The following VPS53 variants were observed in gnomAD, a reference collection of about 807,000 sequenced individuals.
VPS53 encodes VPS53 subunit of GARP complex.
In VPS53, 70 loss-of-function variants were observed where a neutral mutation model predicts 107.0. That is an observed-to-expected ratio of 0.65 (90% CI 0.54 to 0.80). The LOEUF (loss-of-function observed/expected upper bound fraction) is 0.80, where lower values mean the gene tolerates loss of function less well. Among genes scored for constraint, VPS53 ranks in the 30% least tolerant of loss-of-function variants. The pLI, the probability that VPS53 is intolerant of heterozygous loss-of-function variation, is 0.00. For missense variants in VPS53, 917 were observed against 1,049.4 expected, an observed-to-expected ratio of 0.87 and a Z score of 1.74; for synonymous variants, 409 against 393.3, an observed-to-expected ratio of 1.04 and a Z score of -0.47.
chr17:611,485 G>A (rs1439962739), intron 11 of VPS53, among the ~76,000 whole-genome samples: 2 of 152,214 alleles, frequency 1.3e-5, no homozygotes, highest in Admixed American at 6.5e-5. Context: ...TACATTGTGG[G>A]TAGAAATGTA....
chr17:553,732 G>A (rs193035842), intron 15 of VPS53, among the ~76,000 whole-genome samples: 2 of 151,912 alleles, frequency 1.3e-5, no homozygotes, highest in Non-Finnish European at 2.9e-5. Flanking sequence ...TACCACACCC[G>A]GCTAATTTTA....
intron 4 of VPS53, 78 bp downstream of exon 4, chr17:697,340 G>T: frequency 2.5e-6 from 3 of 1,182,930 alleles, no homozygotes; most frequent in Non-Finnish European, 3.8e-6. Context: ...CTGCAAGAGG[G>T]CACATCGACG....
chr17:670,805 A>G (rs368722), intron 4 of VPS53, among the ~76,000 whole-genome samples: 137,740 of 152,264 alleles, frequency 0.9, 62,358 homozygotes, highest in Admixed American at 0.94. Context: ...GCTTTAGACT[A>G]TTCTGTGAAA....
chr17:631,538 G>T lies in VPS53; in HGVS notation c.687+12C>A, dbSNP rs772131273. 1 of 1,613,468 alleles carries T rather than the reference G, an allele frequency of 6.2e-7. No individual in the cohort carries two copies. Among genetic ancestry groups the T allele is most frequent in the Admixed American group, 1.7e-5 (1 of 60,000 alleles). On this transcript the variant is annotated intron_variant, in intron 8 of 21. Transcript: ENST00000437048. ...GATCATCTCTAAAGACTGGGGAAAC[G>T]CAAAGCAGTACCTTGGTGCCCTGGG...
At chr17:601,262 G>GA (rs1278426246) in intron 12 of VPS53, among the ~76,000 whole-genome samples, 1 of 152,150 alleles carries the variant, frequency 6.6e-6, no homozygotes, top group African/African-American at 2.4e-5. Context: ...GACTTGGACA[G>GA]AAAAATCCAA....
chr17:631,633 G>C lies in VPS53; in HGVS notation c.609-5C>G, dbSNP rs368182133. ...TCAGTCTGTGCAGCCTTCACTCTGT[G>C]AGGAAGAGAGAACATATCATCACCT... On this transcript the variant is annotated splice_region_variant and splice_polypyrimidine_tract_variant and intron_variant, in intron 7 of 21. Transcript: ENST00000437048. The C allele has an allele frequency of 1.2e-5, 19 of 1,613,482 alleles. No individual in the cohort carries two copies. In the African/African-American group the frequency reaches 2.5e-4, roughly 22 times the overall value.
At chr17:696,653 C>T (rs1426838466) in intron 4 of VPS53, among the ~76,000 whole-genome samples, 2 of 152,026 alleles carry the variant, frequency 1.3e-5, no homozygotes, top group Admixed American at 6.6e-5. Context: ...ACATCTGGCC[C>T]CTCAATTATT....
chr17:611,832 C>G (rs941870391), intron 11 of VPS53, among the ~76,000 whole-genome samples: 1 of 152,086 alleles, frequency 6.6e-6, no homozygotes, highest in African/African-American at 2.4e-5. Context: ...ATAGTGAATT[C>G]ACACAGTGAA....
At chr17:651,385 C>T (rs1014656350) in intron 7 of VPS53, among the ~76,000 whole-genome samples, 4 of 152,164 alleles carry the variant, frequency 2.6e-5, no homozygotes, top group Non-Finnish European at 5.9e-5. Flanking sequence ...CACTGGGAGC[C>T]CAAGACCAGC....
intron 13 of VPS53, among the ~76,000 whole-genome samples, chr17:577,392 C>T (rs1914715616): frequency 6.6e-6 from 1 of 150,994 alleles, no homozygotes; most frequent in African/African-American, 2.4e-5. Flanking sequence ...CCCTCCAAAC[C>T]TAATGCGTTA....
chr17:547,541 C>T lies in VPS53; in HGVS notation c.1866+4331G>A, dbSNP rs117752923. Among the ~76,000 whole-genome samples the T allele has an allele frequency of 3.0e-3, 456 of 152,172 alleles. 1 individual carries two copies. Among genetic ancestry groups the T allele is most frequent in the Non-Finnish European group, 4.5e-3 (308 of 68,004 alleles). ...AATGTAGAATGACTGCTGAGAGGTACGGGGTTTCTTTTTGGGGTAATGAAG... is the reference window on the plus strand; with the variant it reads ...AATGTAGAATGACTGCTGAGAGGTATGGGGTTTCTTTTTGGGGTAATGAAG... On this transcript the variant is annotated intron_variant, in intron 17 of 21. Transcript: ENST00000437048.
At chr17:555,353 G>A (rs577607401) in intron 15 of VPS53, among the ~76,000 whole-genome samples, 12 of 152,202 alleles carry the variant, frequency 7.9e-5, no homozygotes, top group Non-Finnish European at 1.3e-4. Flanking sequence ...TTGCTTTGCC[G>A]CACCCCCACT....
At chr17:694,617 T>C (rs1174675765) in intron 4 of VPS53, among the ~76,000 whole-genome samples, 3 of 152,258 alleles carry the variant, frequency 2.0e-5, no homozygotes, top group Non-Finnish European at 4.4e-5. Context: ...GGACTCTTAA[T>C]GCACAAAGCA....
chr17:558,405 G>A (rs370133556), intron 15 of VPS53, among the ~76,000 whole-genome samples: 8 of 147,944 alleles, frequency 5.4e-5, no homozygotes, highest in African/African-American at 1.7e-4. Context: ...AGGCCAAGAC[G>A]GGCAGATCAC....
rs577758122 is a variant in VPS53 at position 686,067 on chromosome 17, C to A, written c.285+11351G>T. On this transcript the variant is annotated intron_variant, in intron 4 of 21. Transcript: ENST00000437048. ...GTTGCAGTGGCTCATGCCTGTAATT[C>A]CAGCACTCTGGGAAGCGTAGGTGGG... 4.0e-5 allele frequency among the ~76,000 whole-genome samples: 6 copies of A among 151,594 alleles called. No homozygotes were observed. In the South Asian group the frequency reaches 1.3e-3, roughly 32 times the overall value.
Position 606,503 on chromosome 17 carries a change from G to A in VPS53, c.1117-4607C>T, listed in dbSNP as rs535421148. ...GCCATGAGGATGGGATGATGCGTGC[G>A]TGTCAGGCGTGAGCTACACAGTCAT... On this transcript the variant is annotated intron_variant, in intron 11 of 21. Coordinates refer to ENST00000437048, the MANE Select transcript of VPS53 (RefSeq NM_001128159.3). Among the ~76,000 whole-genome samples the A allele has an allele frequency of 1.3e-4, 20 of 152,246 alleles. No homozygotes were observed. The South Asian group carries it at 3.3e-3, about 25-fold the overall frequency.
At chr17:567,645 C>A (rs1251222081) in intron 13 of VPS53, among the ~76,000 whole-genome samples, 4 of 151,826 alleles carry the variant, frequency 2.6e-5, no homozygotes, top group Non-Finnish European at 5.9e-5. Context: ...GGACTACAGG[C>A]GTCCATCACC....
At chr17:562,930 T>C (rs1486745488) in intron 13 of VPS53, among the ~76,000 whole-genome samples, 185 bp from the exon 14 acceptor site, 3 of 152,150 alleles carry the variant, frequency 2.0e-5, no homozygotes, top group Non-Finnish European at 4.4e-5. Flanking sequence ...ACAACAGCAG[T>C]AATAAAATCT....
intron 11 of VPS53, chr17:616,300 G>C (rs1333818288): frequency 6.6e-6 from 1 of 152,264 alleles, no homozygotes; most frequent in Non-Finnish European, 1.5e-5. Flanking sequence ...GAGGAGAGCT[G>C]ACTAAATAGA....
Sources: allele counts gnomAD v4.1 joint callset (sites outside exome capture counted in the v4.1 genomes callset), GRCh38; gene constraint gnomAD v4.1.1; transcripts MANE v1.5; gene names NCBI Gene and HGNC (gene_info 2026-07-23, HGNC 2026-07-21).